Variants in RALGPS1 observed in about 807,000 individuals in gnomAD.
RALGPS1 encodes the protein Ral GEF with PH domain and SH3 binding motif 1.
A neutral mutation model predicts 78.8 loss-of-function variants in RALGPS1; 19 were observed. The observed-to-expected ratio is 0.24, with a 90% confidence interval of 0.17 to 0.35. The LOEUF (loss-of-function observed/expected upper bound fraction) is 0.35. Ranked by LOEUF, RALGPS1 falls within the 10% of genes least tolerant of loss-of-function variation. The pLI is 1.00. For synonymous variants in RALGPS1, 228 were observed against 256.3 expected (o/e 0.89, Z 1.06); for missense variants, 454 against 688.3 (o/e 0.66, Z 3.81).
intron 8 of RALGPS1, among the ~76,000 whole-genome samples, chr9:127,163,367 G>A (rs1468637801): frequency 6.6e-6 from 1 of 152,062 alleles, no homozygotes; most frequent in Non-Finnish European, 1.5e-5. Flanking sequence ...AGAAAAACAA[G>A]GTGAAGAGAA....
chr9:127,176,384 G>A (rs542672930), intron 11 of RALGPS1, among the ~76,000 whole-genome samples: 4 of 152,094 alleles, frequency 2.6e-5, no homozygotes, highest in African/African-American at 4.8e-5. Flanking sequence ...TTTTAGGTGC[G>A]CAGTCACCTA....
At chr9:126,976,703 CTG>C (rs2040691529) in intron 3 of RALGPS1, among the ~76,000 whole-genome samples, 1 of 152,212 alleles carries the variant, frequency 6.6e-6, no homozygotes, top group Admixed American at 6.5e-5. Flanking sequence ...CCTGGATGGC[CTG>C]TGTTCAATGG....
chr9:126,941,877 G>A (rs2036826531), intron 1 of RALGPS1, among the ~76,000 whole-genome samples: 1 of 152,138 alleles, frequency 6.6e-6, no homozygotes, highest in Admixed American at 6.5e-5. Flanking sequence ...TGTAGCCAGT[G>A]TTACAGTCAG....
At chr9:126,927,227 G>T (rs1350740333) in intron 1 of RALGPS1, among the ~76,000 whole-genome samples, 1 of 152,166 alleles carries the variant, frequency 6.6e-6, no homozygotes, top group African/African-American at 2.4e-5. Flanking sequence ...CCCTGAAGTT[G>T]TGTCATAGGA....
rs1340391929 is a variant in RALGPS1, at chr9:126,951,470, G to A, written c.-65-10755G>A. ...CAGCACATCAAAAAGCTTATCCACC[G>A]TGATCAAGTGGGCTTCATCCCTGGG... On this transcript the variant is annotated intron_variant, in intron 1 of 18. Transcript: ENST00000259351. Among the ~76,000 whole-genome samples, 26 of 151,550 alleles carry A rather than the reference G, an allele frequency of 1.7e-4. No homozygotes were observed. In the East Asian group the frequency reaches 2.1e-3, roughly 12 times the overall value.
At chr9:127,095,270 C>T (rs1424306000) in intron 8 of RALGPS1, among the ~76,000 whole-genome samples, 1 of 152,100 alleles carries the variant, frequency 6.6e-6, no homozygotes, top group Non-Finnish European at 1.5e-5. Flanking sequence ...TGGTGGCACG[C>T]ACCTGTGATC....
chr9:126,940,656 C>T (rs1444810706), intron 1 of RALGPS1, among the ~76,000 whole-genome samples: 7 of 151,956 alleles, frequency 4.6e-5, no homozygotes, highest in Non-Finnish European at 8.8e-5. Context: ...TTAGCCAGGA[C>T]GGTCTCGATC....
chr9:127,046,405 A>G (rs2047779462), intron 5 of RALGPS1, among the ~76,000 whole-genome samples: 1 of 152,170 alleles, frequency 6.6e-6, no homozygotes, highest in Non-Finnish European at 1.5e-5. Context: ...AACCTTGTGT[A>G]TCTGTGTTTC....
At chr9:127,105,335 A>T (rs562672559) in intron 8 of RALGPS1, among the ~76,000 whole-genome samples, 1 of 152,334 alleles carries the variant, frequency 6.6e-6, no homozygotes, top group African/African-American at 2.4e-5. Context: ...AGTGCAGGAC[A>T]CTTGGATACA....
chr9:127,127,908 G>A (rs1304944050), intron 8 of RALGPS1, among the ~76,000 whole-genome samples: 3 of 152,100 alleles, frequency 2.0e-5, no homozygotes, highest in Non-Finnish European at 2.9e-5. Context: ...TAAGTTCTGG[G>A]GTATATGTGC....
chr9:127,196,153 C>T (rs1255171367), intron 12 of RALGPS1, among the ~76,000 whole-genome samples: 1 of 152,238 alleles, frequency 6.6e-6, no homozygotes, highest in Non-Finnish European at 1.5e-5. Context: ...GACATCCTGG[C>T]CACAGGCCCA....
intron 11 of RALGPS1, 97 bp from the exon 12 acceptor site, chr9:127,194,994 C>A: frequency 6.8e-7 from 1 of 1,481,226 alleles, no homozygotes. Context: ...TGCTGTACTT[C>A]AAACCCGGGG....
intron 4 of RALGPS1, among the ~76,000 whole-genome samples, chr9:127,022,574 A>AC (rs919964687): frequency 6.7e-6 from 1 of 148,922 alleles, no homozygotes; most frequent in African/African-American, 2.5e-5. Flanking sequence ...CTGGCCTCCC[A>AC]CCCCTGTCCT....
chr9:127,204,618 G>T (rs10760480), intron 14 of RALGPS1, among the ~76,000 whole-genome samples: 24,128 of 152,152 alleles, frequency 0.16, 2,597 homozygotes, highest in East Asian at 0.43. Context: ...CTGTGGGAGG[G>T]CCCCTCTAAG....
chr9:127,129,089 G>C (rs930152349), intron 8 of RALGPS1, among the ~76,000 whole-genome samples: 1 of 152,134 alleles, frequency 6.6e-6, no homozygotes, highest in Non-Finnish European at 1.5e-5. Context: ...TTGGGCTCTA[G>C]GTCAATTTGC....
At chr9:126,951,453 C>A (rs1234491438) in intron 1 of RALGPS1, among the ~76,000 whole-genome samples, 13 of 151,570 alleles carry the variant, frequency 8.6e-5, no homozygotes, top group Non-Finnish European at 1.5e-4. Flanking sequence ...AGCAGCACAT[C>A]AAAAAGCTTA....
rs765984138 is a variant in RALGPS1, at chr9:127,045,742, CACACACACACACACACACAT to C, written c.301-4281_301-4262del. 3.0e-3 allele frequency among the ~76,000 whole-genome samples: 300 copies of C among 101,268 alleles called. 1 individual carries two copies. Among genetic ancestry groups the C allele is most frequent in the South Asian group, 0.011 (29 of 2,658 alleles). The allele number at this position is 101,268 out of a possible 152,430, so 66.4% of individuals were successfully genotyped here. A position where few individuals can be genotyped will look rare whatever the true frequency, so the allele number is the denominator to read the frequency against. On this transcript the variant is annotated intron_variant, in intron 5 of 18. Coordinates refer to ENST00000259351, the MANE Select transcript of RALGPS1 (RefSeq NM_014636.3). ...AGGCATGGGTTAGTACACACACACA[CACACACACACACACACACAT>C]ACACACACACACACACACACACACA...
chr9:127,123,880 G>T (rs2056391648), intron 8 of RALGPS1, among the ~76,000 whole-genome samples: 1 of 152,122 alleles, frequency 6.6e-6, no homozygotes, highest in South Asian at 2.1e-4. Flanking sequence ...GTACAAGTTT[G>T]CCCCTCTGCT....
intron 18 of RALGPS1, chr9:127,217,352 C>A: frequency 9.9e-7 from 1 of 1,007,678 alleles, no homozygotes; most frequent in Non-Finnish European, 1.2e-6. Context: ...AAATATTCAA[C>A]AGCAGAGGAT....
Sources: gnomAD v4.1 joint callset for allele counts (sites outside exome capture counted in the v4.1 genomes callset) on GRCh38, gnomAD v4.1.1 for gene constraint, MANE v1.5 for transcripts, NCBI Gene and HGNC (gene_info 2026-07-23, HGNC 2026-07-21) for gene names.